The following RORC variants were observed in gnomAD, a reference collection of about 807,000 sequenced individuals.
RORC encodes RAR related orphan receptor C, also known as nuclear receptor ROR-gamma.
Under a neutral mutation model 64.5 loss-of-function variants are expected in RORC, and 13 were observed. The ratio of observed to expected loss-of-function variants is 0.20; its 90% CI spans 0.13 to 0.32. The LOEUF is 0.32. RORC is among the 10% of genes least tolerant of loss of function. The pLI is 1.00. For missense variants in RORC, 468 were observed against 669.5 expected (o/e 0.70, Z 3.32); for synonymous variants, 277 against 259.3 (o/e 1.07, Z -0.65).
At position 151,822,915 on chromosome 1, in the gene RORC, G is replaced by A. The variant is rs114024952; in HGVS notation, c.71-5635C>T. Among the ~76,000 whole-genome samples the A allele has an allele frequency of 5.4e-3, 819 of 152,360 alleles. 13 individuals carry two copies. The highest frequency in any genetic ancestry group is 0.019 in the African/African-American group (774 of 41,580). On this transcript the variant is annotated intron_variant, in intron 2 of 10. Transcript: ENST00000318247. ...GCGCGGGCCTTGGGCTGCCCGCCTG[G>A]GAGAGACCTTAGCCCTTGGAAAGTC...
Position 151,830,753 on chromosome 1 carries a change from G to C in RORC, c.40+972C>G, listed in dbSNP as rs1204929830. 6.6e-6 allele frequency among the ~76,000 whole-genome samples: 1 copy of C among 152,102 alleles called. No individual in the cohort carries two copies. Among genetic ancestry groups the C allele is most frequent in the Admixed American group, 6.5e-5 (1 of 15,282 alleles). On this transcript the variant is annotated intron_variant, in intron 1 of 10. Coordinates refer to ENST00000318247, the MANE Select transcript of RORC (RefSeq NM_005060.4). This position sits in a 1 kb window ranked among gnomAD's most constrained non-coding sequence, Gnocchi z 4.0. ...GTGGCCTGATGGCCTGGGCTCTGCTGGGGTGAGGGAGGAGAAAAGACTGCC... is the reference window on the plus strand; with the variant it reads ...GTGGCCTGATGGCCTGGGCTCTGCTCGGGTGAGGGAGGAGAAAAGACTGCC...
intron 4 of RORC, among the ~76,000 whole-genome samples, chr1:151,816,286 G>A (rs1004616765): frequency 2.0e-5 from 3 of 152,194 alleles, no homozygotes; most frequent in African/African-American, 7.2e-5. Flanking sequence ...TATGGGAATG[G>A]GGGATTAGAA....
In RORC at chr1:151,807,289, C is replaced by T. The variant is rs1651350733; in HGVS notation, c.*183G>A. The T allele has an allele frequency of 7.0e-6, 4 of 568,942 alleles. No homozygotes were observed. The highest frequency in any genetic ancestry group is 5.8e-5 in the East Asian group (2 of 34,414). The allele number at this position is 568,942 out of a possible 1,614,324, so 35.2% of individuals were successfully genotyped here. ...GTGTTCTGCCAGCCCCACCCTCTGG[C>T]GATTGTCCCACTGCCAGGCCGGCCT... On this transcript the variant is annotated 3_prime_UTR_variant, in exon 11 of 11. Transcript: ENST00000318247. This position sits in a 1 kb window ranked among gnomAD's most constrained non-coding sequence, Gnocchi z 5.0.
chr1:151,822,854 G>A (rs1652045855), intron 2 of RORC, among the ~76,000 whole-genome samples: 1 of 152,260 alleles, frequency 6.6e-6, no homozygotes. Flanking sequence ...GCGTGGAGGT[G>A]AGACTTCAGA....
intron 2 of RORC, among the ~76,000 whole-genome samples, chr1:151,828,741 G>A (rs1652288304): frequency 6.6e-6 from 1 of 152,124 alleles, no homozygotes; most frequent in Non-Finnish European, 1.5e-5. Flanking sequence ...AGCACTTTGG[G>A]AGGCCGAGAG....
At chr1:151,809,489 G>A (rs940613433) in intron 10 of RORC, among the ~76,000 whole-genome samples, 7 of 151,184 alleles carry the variant, frequency 4.6e-5, no homozygotes, top group Admixed American at 2.6e-4. Context: ...AAGGGCTACC[G>A]TGGGTGCGGA....
At chr1:151,831,619 T>C in intron 1 of RORC, 106 bp downstream of exon 1, 1 of 1,600,890 alleles carries the variant, frequency 6.2e-7, no homozygotes, top group Non-Finnish European at 8.5e-7. Context: ...TGCACTCTTG[T>C]CCCTCCCTCC....
chr1:151,812,906 T>A, intron 9 of RORC, 41 bp downstream of exon 9: 1 of 1,311,868 alleles, frequency 7.6e-7, no homozygotes, highest in Non-Finnish European at 1.1e-6. Flanking sequence ...GCCATGCCCC[T>A]GCCACCTGAA....
chr1:151,823,105 A>G (rs1652056618), intron 2 of RORC, among the ~76,000 whole-genome samples: 1 of 152,062 alleles, frequency 6.6e-6, no homozygotes, highest in African/African-American at 2.4e-5. Flanking sequence ...GAAGACGGGG[A>G]AAGAGAAGGG....
chr1:151,815,198 G>A lies in RORC; in HGVS notation c.526C>T (p.Leu176Phe). The A allele has an allele frequency of 3.1e-6, 5 of 1,614,058 alleles. No homozygotes were observed. Among genetic ancestry groups the A allele is most frequent in the Non-Finnish European group, 4.2e-6 (5 of 1,179,970 alleles). Residue 176 changes from leucine (L) to phenylalanine (F), a missense_variant, in exon 5 of 11, where the codon CTC becomes TTC. Leu to Phe is a conservative substitution (Grantham distance 22). Transcript: ENST00000318247. The part of the protein sequence containing the change: ...LPEASACPPG[L>F]LKASGSGPSY... ...GGCCCAGAGCCTGAGGCTTTCAGGAGGCCAGGGGGACAGGCAGAAGCCTCA... is the reference window on the plus strand; with the variant it reads ...GGCCCAGAGCCTGAGGCTTTCAGGAAGCCAGGGGGACAGGCAGAAGCCTCA...
At chr1:151,813,652 G>A (rs1367658858) in intron 6 of RORC, 32 bp from the exon 7 acceptor site, 10 of 1,611,360 alleles carry the variant, frequency 6.2e-6, no homozygotes, top group African/African-American at 1.3e-5. Flanking sequence ...CCGCTGTAGC[G>A]CTCTGTGTGG....
rs375293231 is a variant in RORC, at chr1:151,815,126, A to G, written c.598T>C (p.Cys200Arg). The change falls in exon 5 of 11, where the codon TGC (cysteine) becomes CGC (arginine). Residue 200 changes from cysteine to arginine, a missense_variant. By Grantham distance (180) the Cys-to-Arg change is radical. This residue lies in a region of RORC where 241 missense variants were observed against 295.5 expected (regional missense o/e 0.82). Transcript: ENST00000318247. ...LAKAGLNGAS[C>R]HLEYSPERGK... ...CGCTCAGGGCTGTATTCAAGGTGGC[A>G]TGAGGCCCCATTGAGCCCTGCCTTG... The G allele has an allele frequency of 5.0e-6, 8 of 1,614,024 alleles. No individual in the cohort carries two copies. The African/African-American group carries it at 1.1e-4, about 22-fold the overall frequency.
At position 151,817,177 on chromosome 1, in the gene RORC, C is replaced by CACAT. The variant is rs1553291041; in HGVS notation, c.156+14_156+17dup. On this transcript the variant is annotated intron_variant, in intron 3 of 10. Transcript: ENST00000318247. ...ATGCACACGCACACATGCATGCATACACATGCCTATGACTCACCTTGCACC... is the reference window on the plus strand; with the variant it reads ...ATGCACACGCACACATGCATGCATACACATACATGCCTATGACTCACCTTGCACC... 3.2e-6 allele frequency: 5 copies of CACAT among 1,568,370 alleles called. No individual in the cohort carries two copies. Among genetic ancestry groups the CACAT allele is most frequent in the Non-Finnish European group, 3.5e-6 (4 of 1,138,470 alleles).
Position 151,816,900 on chromosome 1 carries a change from A to G in RORC, c.157-95T>C, listed in dbSNP as rs1305903939. 5 of 1,287,164 alleles carry G rather than the reference A, an allele frequency of 3.9e-6. No individual in the cohort carries two copies. In the African/African-American group the frequency reaches 7.6e-5, roughly 19 times the overall value. 79.7% of individuals were successfully genotyped at this position (1,287,164 alleles called of 1,614,324 possible). The stretch of plus-strand genomic sequence containing the variant: ...GCCCACAAGCTCTGGCAGCTTTTCT[A>G]CATCCCACGACCTGTCAGTTTTCTC... On this transcript the variant is annotated intron_variant, in intron 3 of 10. Coordinates refer to ENST00000318247, the MANE Select transcript of RORC (RefSeq NM_005060.4).
rs1651346382 is a variant in RORC at position 151,807,157 on chromosome 1, G to A, written c.*315C>T. 3.7e-6 allele frequency: 1 copy of A among 270,020 alleles called. No individual in the cohort carries two copies. Among genetic ancestry groups the A allele is most frequent in the Non-Finnish European group, 7.0e-6 (1 of 142,466 alleles). 16.7% of individuals were successfully genotyped at this position (270,020 alleles called of 1,614,324 possible). A position where few individuals can be genotyped will look rare whatever the true frequency, so the allele number is the denominator to read the frequency against. Reference sequence around the variant, plus strand: ...TGGATGCCCCTGTTTTCTTGAGGATGTCTTGGTCCCCCAGAAGTCCTTAAA... The same window carrying A: ...TGGATGCCCCTGTTTTCTTGAGGATATCTTGGTCCCCCAGAAGTCCTTAAA... On this transcript the variant is annotated 3_prime_UTR_variant, in exon 11 of 11. Coordinates refer to ENST00000318247, the MANE Select transcript of RORC (RefSeq NM_005060.4). The surrounding 1 kb of genome is among the most constrained non-coding windows in gnomAD (Gnocchi z 5.0).
In RORC at chr1:151,830,498, A is replaced by G. The variant is rs1652361260; in HGVS notation, c.41-1040T>C. On this transcript the variant is annotated intron_variant, in intron 1 of 10. Transcript: ENST00000318247. The surrounding 1 kb of genome is among the most constrained non-coding windows in gnomAD (Gnocchi z 4.0). ...TCCACATAGCAGCTCATCACAGAAC[A>G]CATGGCCAGTCTTTTGTCTCAGAAA... is the stretch of plus-strand genomic sequence containing the variant. Among the ~76,000 whole-genome samples the G allele has an allele frequency of 6.6e-6, 1 of 151,998 alleles. No homozygotes were observed. The highest frequency in any genetic ancestry group is 6.5e-5 in the Admixed American group (1 of 15,272).
chr1:151,826,054 C>T (rs1652184500), intron 2 of RORC: 3 of 1,578,278 alleles, frequency 1.9e-6, no homozygotes, highest in Non-Finnish European at 2.6e-6. Flanking sequence ...GCGCCTCAGC[C>T]TGAAGCTCTG....
chr1:151,810,261 G>A (rs1651469039), intron 10 of RORC, among the ~76,000 whole-genome samples: 1 of 151,634 alleles, frequency 6.6e-6, no homozygotes, highest in Non-Finnish European at 1.5e-5. Context: ...TGTTCCCTAA[G>A]CCTGGAATGC....
Position 151,807,361 on chromosome 1 carries a change from G to C in RORC, c.*111C>G, listed in dbSNP as rs200047333. 2 of 1,131,886 alleles carry C rather than the reference G, an allele frequency of 1.8e-6. No homozygotes were observed. Among genetic ancestry groups the C allele is most frequent in the Non-Finnish European group, 2.5e-6 (2 of 800,980 alleles). The allele number at this position is 1,131,886 out of a possible 1,614,324, so 70.1% of individuals were successfully genotyped here. ...GCATCTGCTCACTTCCAAAGAGCTGGTGGGGACCACCCTCCAGGGTTCATG... is the reference window on the plus strand; with the variant it reads ...GCATCTGCTCACTTCCAAAGAGCTGCTGGGGACCACCCTCCAGGGTTCATG... On this transcript the variant is annotated 3_prime_UTR_variant, in exon 11 of 11. Transcript: ENST00000318247. This position sits in a 1 kb window ranked among gnomAD's most constrained non-coding sequence, Gnocchi z 5.0.
Sources: gnomAD v4.1 joint callset for allele counts (sites outside exome capture counted in the v4.1 genomes callset) on GRCh38, gnomAD v4.1.1 for gene constraint, gnomAD v4.1.1 regional missense constraint, Gnocchi (gnomAD v3.1) non-coding constraint, MANE v1.5 for transcripts, NCBI Gene and HGNC (gene_info 2026-07-23, HGNC 2026-07-21) for gene names.